HSPA1A: variants seen among roughly 807,000 people sequenced by gnomAD.
The protein encoded by HSPA1A is heat shock protein family A (Hsp70) member 1A.
In HSPA1A, 5 loss-of-function variants were observed where a neutral mutation model predicts 8.8. The observed-to-expected ratio is 0.57, with a 90% CI of 0.30 to 1.19. HSPA1A has a LOEUF of 1.19. Among genes scored for constraint, HSPA1A ranks in the 50% most tolerant of loss-of-function variants. The probability of loss-of-function intolerance (pLI) is 0.08; values close to 1 mark genes in which losing one functional copy is unlikely to be tolerated. For missense variants in HSPA1A, 207 were observed against 430.7 expected, an observed-to-expected ratio of 0.48 and a Z score of 4.60; for synonymous variants, 112 against 188.4, an observed-to-expected ratio of 0.59 and a Z score of 3.32.
chr6:31,815,740 G>A lies in HSPA1A; in HGVS notation c.-17G>A. On this transcript the variant is annotated 5_prime_UTR_variant, in exon 1 of 1. Transcript: ENST00000375651. Reference sequence around the variant, plus strand: ...CCCCAATCTCAGAGCGGAGCCGACAGAGAGCAGGGAACCGGCATGGCCAAA... The same window carrying A: ...CCCCAATCTCAGAGCGGAGCCGACAAAGAGCAGGGAACCGGCATGGCCAAA... 6.2e-7 allele frequency: 1 copy of A among 1,613,946 alleles called. No homozygotes were observed. Among genetic ancestry groups the A allele is most frequent in the South Asian group, 1.1e-5 (1 of 91,076 alleles).
At position 31,815,639 on chromosome 6, in the gene HSPA1A, C is replaced by T. The variant is rs1562349393; in HGVS notation, c.-118C>T. 6.8e-6 allele frequency: 11 copies of T among 1,610,314 alleles called. No individual in the cohort carries two copies. In the South Asian group the frequency reaches 1.2e-4, roughly 18 times the overall value. The stretch of plus-strand genomic sequence containing the variant: ...TTCCCAGAGCGAACCTGTGCGGCTG[C>T]AGGCACCGGCGCGTCGAGTTTCCGG... On this transcript the variant is annotated 5_prime_UTR_variant, in exon 1 of 1. Coordinates refer to ENST00000375651, the MANE Select transcript of HSPA1A (RefSeq NM_005345.6).
rs755567698 is a variant in HSPA1A at position 31,815,717 on chromosome 6, C to G, written c.-40C>G. The G allele has an allele frequency of 3.7e-6, 6 of 1,613,846 alleles. No homozygotes were observed. The highest frequency in any genetic ancestry group is 4.2e-6 in the Non-Finnish European group (5 of 1,180,012). ...GGATCCAGTGTTCCGTTTCCAGCCC[C>G]CAATCTCAGAGCGGAGCCGACAGAG... On this transcript the variant is annotated 5_prime_UTR_variant, in exon 1 of 1. Transcript: ENST00000375651.
In HSPA1A at chr6:31,816,088, C is replaced by G. The variant is rs1236730785; in HGVS notation, c.332C>G (p.Thr111Ser). The G allele has an allele frequency of 3.3e-6, 2 of 599,012 alleles. No individual in the cohort carries two copies. The highest frequency in any genetic ancestry group is 3.9e-5 in the South Asian group (2 of 51,914). The allele number at this position is 599,012 out of a possible 1,614,324, so 37.1% of individuals were successfully genotyped here. A position where few individuals can be genotyped will look rare whatever the true frequency, so the allele number is the denominator to read the frequency against. ...PKVQVSYKGE[T>S]KAFYPEEISS... ...GTGCAGGTGAGCTACAAGGGGGAGA[C>G]CAAGGCATTCTACCCCGAGGAGATC... Residue 111 changes from threonine to serine, a missense_variant, in exon 1 of 1, where the codon ACC becomes AGC. Thr to Ser is a moderately conservative substitution (Grantham distance 58, BLOSUM62 1). Transcript: ENST00000375651.
Position 31,815,581 on chromosome 6 carries a change from C to CT in HSPA1A, c.-171dup. 1 of 1,483,044 alleles carries CT rather than the reference C, an allele frequency of 6.7e-7. No homozygotes were observed. Among genetic ancestry groups the CT allele is most frequent in the Admixed American group, 1.9e-5 (1 of 52,252 alleles). 91.9% of individuals were successfully genotyped at this position (1,483,044 alleles called of 1,614,324 possible). A position where few individuals can be genotyped will look rare whatever the true frequency, so the allele number is the denominator to read the frequency against. ...AGGAGCTGCTGCGACAGTCCACTAC[C>CT]TTTTTCGAGAGTGACTCCCGTTGTC... On this transcript the variant is annotated 5_prime_UTR_variant, in exon 1 of 1. Coordinates refer to ENST00000375651, the MANE Select transcript of HSPA1A (RefSeq NM_005345.6).
chr6:31,815,979 G>C lies in HSPA1A; in HGVS notation c.223G>C (p.Gly75Arg). ...NTVFDAKRLI[G>R]RKFGDPVVQS... Reference sequence around the variant, plus strand: ...CGTGTTTGACGCGAAGCGGCTGATTGGCCGCAAGTTCGGCGACCCGGTGGT... The same window carrying C: ...CGTGTTTGACGCGAAGCGGCTGATTCGCCGCAAGTTCGGCGACCCGGTGGT... The change falls in exon 1 of 1, where the codon GGC becomes CGC. Residue 75 changes from glycine to arginine, a missense_variant. Coordinates refer to ENST00000375651, the MANE Select transcript of HSPA1A (RefSeq NM_005345.6). 2 of 1,432,172 alleles carry C rather than the reference G, an allele frequency of 1.4e-6. No homozygotes were observed. The highest frequency in any genetic ancestry group is 2.6e-5 in the South Asian group (2 of 77,368). 88.7% of individuals were successfully genotyped at this position (1,432,172 alleles called of 1,614,324 possible). A position where few individuals can be genotyped will look rare whatever the true frequency, so the allele number is the denominator to read the frequency against.
At position 31,816,034 on chromosome 6, in the gene HSPA1A, A is replaced by G; in HGVS notation, c.278A>G (p.Gln93Arg). The G allele has an allele frequency of 9.7e-7, 1 of 1,032,244 alleles. No individual in the cohort carries two copies. Among genetic ancestry groups the G allele is most frequent in the Non-Finnish European group, 1.3e-6 (1 of 743,618 alleles). 63.9% of individuals were successfully genotyped at this position (1,032,244 alleles called of 1,614,324 possible). The change falls in exon 1 of 1, where the codon CAG becomes CGG. Residue 93 changes from glutamine (Q) to arginine (R), a missense_variant. Gln to Arg is a conservative substitution (Grantham distance 43). Coordinates refer to ENST00000375651, the MANE Select transcript of HSPA1A (RefSeq NM_005345.6). ...TCGGACATGAAGCACTGGCCTTTCC[A>G]GGTGATCAACGACGGAGACAAGCCC... ...VQSDMKHWPF[Q>R]VINDGDKPKV...
Position 31,817,664 on chromosome 6 carries a change from C to T in HSPA1A, c.1908C>T (p.Thr636=), listed in dbSNP as rs1339364256. The T allele has an allele frequency of 6.2e-7, 1 of 1,612,382 alleles. No homozygotes were observed. The highest frequency in any genetic ancestry group is 1.1e-5 in the South Asian group (1 of 91,052). Residue 636 remains threonine, a synonymous_variant, in exon 1 of 1, where the codon ACC becomes ACT. Coordinates refer to ENST00000375651, the MANE Select transcript of HSPA1A (RefSeq NM_005345.6). The part of the protein sequence containing the change: ...GPKGGSGSGP[T]IEEVD ...AGGGAGGGTCTGGGTCAGGCCCCAC[C>T]ATTGAGGAGGTAGATTAGGGGCCTT...
In HSPA1A at chr6:31,815,575, C is replaced by T. The variant is rs771768145; in HGVS notation, c.-182C>T. 25 of 1,429,434 alleles carry T rather than the reference C, an allele frequency of 1.7e-5. No individual in the cohort carries two copies. Among genetic ancestry groups the T allele is most frequent in the Non-Finnish European group, 2.3e-5 (24 of 1,040,554 alleles). 88.5% of individuals were successfully genotyped at this position (1,429,434 alleles called of 1,614,324 possible). A position where few individuals can be genotyped will look rare whatever the true frequency, so the allele number is the denominator to read the frequency against. On this transcript the variant is annotated 5_prime_UTR_variant, in exon 1 of 1. Transcript: ENST00000375651. ...AGCCTGAGGAGCTGCTGCGACAGTC[C>T]ACTACCTTTTTCGAGAGTGACTCCC...
chr6:31,817,842 A>G lies in HSPA1A; in HGVS notation c.*160A>G. 6.9e-7 allele frequency: 1 copy of G among 1,447,792 alleles called. No homozygotes were observed. Among genetic ancestry groups the G allele is most frequent in the Non-Finnish European group, 9.1e-7 (1 of 1,099,738 alleles). The allele number at this position is 1,447,792 out of a possible 1,614,324, so 89.7% of individuals were successfully genotyped here. A position where few individuals can be genotyped will look rare whatever the true frequency, so the allele number is the denominator to read the frequency against. ...TTCCGGTTTCTACATGCAGAGATGA[A>G]TTTATACTGCCATCTTACGACTATT... On this transcript the variant is annotated 3_prime_UTR_variant, in exon 1 of 1. Coordinates refer to ENST00000375651, the MANE Select transcript of HSPA1A (RefSeq NM_005345.6).
Position 31,817,369 on chromosome 6 carries a change from C to A in HSPA1A, c.1613C>A (p.Ala538Asp). Residue 538 changes from alanine (A) to aspartate (D), a missense_variant, in exon 1 of 1, where the codon GCC (alanine) becomes GAC (aspartate). By Grantham distance (126) the Ala-to-Asp change is moderately radical. Transcript: ENST00000375651. ...EDEVQRERVS[A>D]KNALESYAFN... ...GAGGTGCAGCGCGAGAGGGTGTCAG[C>A]CAAGAACGCCCTGGAGTCCTACGCC... 6.2e-7 allele frequency: 1 copy of A among 1,602,944 alleles called. No individual in the cohort carries two copies. The highest frequency in any genetic ancestry group is 8.5e-7 in the Non-Finnish European group (1 of 1,176,660).
At position 31,816,287 on chromosome 6, in the gene HSPA1A, G is replaced by A; in HGVS notation, c.531G>A (p.Thr177=). ...TGCTGCGGATCATCAACGAGCCCAC[G>A]GCCGCCGCCATCGCCTACGGCCTGG... ...LNVLRIINEP[T]AAAIAYGLDR... Residue 177 remains threonine (T), a synonymous_variant, in exon 1 of 1, where the codon ACG becomes ACA. Transcript: ENST00000375651. 4 of 270,040 alleles carry A rather than the reference G, an allele frequency of 1.5e-5. No individual in the cohort carries two copies. Among genetic ancestry groups the A allele is most frequent in the South Asian group, 7.4e-5 (3 of 40,442 alleles). 16.7% of individuals were successfully genotyped at this position (270,040 alleles called of 1,614,324 possible). A position where few individuals can be genotyped will look rare whatever the true frequency, so the allele number is the denominator to read the frequency against.
Position 31,815,746 on chromosome 6 carries a change from A to G in HSPA1A, c.-11A>G, listed in dbSNP as rs376057829. The G allele has an allele frequency of 3.3e-5, 54 of 1,613,848 alleles. No individual in the cohort carries two copies. Among genetic ancestry groups the G allele is most frequent in the East Asian group, 1.6e-4 (7 of 44,888 alleles). Reference sequence around the variant, plus strand: ...TCTCAGAGCGGAGCCGACAGAGAGCAGGGAACCGGCATGGCCAAAGCCGCG... The same window carrying G: ...TCTCAGAGCGGAGCCGACAGAGAGCGGGGAACCGGCATGGCCAAAGCCGCG... On this transcript the variant is annotated 5_prime_UTR_variant, in exon 1 of 1. Coordinates refer to ENST00000375651, the MANE Select transcript of HSPA1A (RefSeq NM_005345.6).
At position 31,815,737 on chromosome 6, in the gene HSPA1A, A is replaced by C; in HGVS notation, c.-20A>C. ...AGCCCCCAATCTCAGAGCGGAGCCGACAGAGAGCAGGGAACCGGCATGGCC... is the reference window on the plus strand; with the variant it reads ...AGCCCCCAATCTCAGAGCGGAGCCGCCAGAGAGCAGGGAACCGGCATGGCC... On this transcript the variant is annotated 5_prime_UTR_variant, in exon 1 of 1. Coordinates refer to ENST00000375651, the MANE Select transcript of HSPA1A (RefSeq NM_005345.6). 1 of 1,613,742 alleles carries C rather than the reference A, an allele frequency of 6.2e-7. No individual in the cohort carries two copies. The highest frequency in any genetic ancestry group is 8.5e-7 in the Non-Finnish European group (1 of 1,179,974).
At position 31,815,544 on chromosome 6, in the gene HSPA1A, A is replaced by G. The variant is rs1463232312; in HGVS notation, c.-213A>G. ...AGCCCAGGGGCAAGCGGTCCGGATA[A>G]CGGCTAGCCTGAGGAGCTGCTGCGA... On this transcript the variant is annotated 5_prime_UTR_variant, in exon 1 of 1. Coordinates refer to ENST00000375651, the MANE Select transcript of HSPA1A (RefSeq NM_005345.6). 3 of 1,220,080 alleles carry G rather than the reference A, an allele frequency of 2.5e-6. No individual in the cohort carries two copies. The highest frequency in any genetic ancestry group is 1.3e-5 in the South Asian group (1 of 74,360). 75.6% of individuals were successfully genotyped at this position (1,220,080 alleles called of 1,614,324 possible).
chr6:31,816,047 C>T lies in HSPA1A; in HGVS notation c.291C>T (p.Asp97=), dbSNP rs769403730. 2.5e-4 allele frequency: 227 copies of T among 904,708 alleles called. No homozygotes were observed. The highest frequency in any genetic ancestry group is 1.3e-3 in the South Asian group (81 of 60,514). 56.0% of individuals were successfully genotyped at this position (904,708 alleles called of 1,614,324 possible). A position where few individuals can be genotyped will look rare whatever the true frequency, so the allele number is the denominator to read the frequency against. Residue 97 remains aspartate, a synonymous_variant, in exon 1 of 1, where the codon GAC becomes GAT. Coordinates refer to ENST00000375651, the MANE Select transcript of HSPA1A (RefSeq NM_005345.6). ...ACTGGCCTTTCCAGGTGATCAACGA[C>T]GGAGACAAGCCCAAGGTGCAGGTGA... is the stretch of plus-strand genomic sequence containing the variant. The part of the protein sequence containing the change: ...MKHWPFQVIN[D]GDKPKVQVSY...
chr6:31,815,989 T>C lies in HSPA1A; in HGVS notation c.233T>C (p.Phe78Ser). Residue 78 changes from phenylalanine to serine, a missense_variant, in exon 1 of 1, where the codon TTC becomes TCC. Phe to Ser is a radical substitution (Grantham distance 155, BLOSUM62 -2). Coordinates refer to ENST00000375651, the MANE Select transcript of HSPA1A (RefSeq NM_005345.6). The part of the protein sequence containing the change: ...FDAKRLIGRK[F>S]GDPVVQSDMK... ...GCGAAGCGGCTGATTGGCCGCAAGT[T>C]CGGCGACCCGGTGGTGCAGTCGGAC... is the stretch of plus-strand genomic sequence containing the variant. The C allele has an allele frequency of 7.2e-7, 1 of 1,390,280 alleles. No homozygotes were observed. Among genetic ancestry groups the C allele is most frequent in the Non-Finnish European group, 9.6e-7 (1 of 1,041,064 alleles). 86.1% of individuals were successfully genotyped at this position (1,390,280 alleles called of 1,614,324 possible).
In HSPA1A at chr6:31,815,641, G is replaced by A. The variant is rs1346981847; in HGVS notation, c.-116G>A. On this transcript the variant is annotated 5_prime_UTR_variant, in exon 1 of 1. Transcript: ENST00000375651. ...CCCAGAGCGAACCTGTGCGGCTGCAGGCACCGGCGCGTCGAGTTTCCGGCG... is the reference window on the plus strand; with the variant it reads ...CCCAGAGCGAACCTGTGCGGCTGCAAGCACCGGCGCGTCGAGTTTCCGGCG... The A allele has an allele frequency of 6.2e-7, 1 of 1,611,234 alleles. No individual in the cohort carries two copies. The highest frequency in any genetic ancestry group is 1.7e-5 in the Admixed American group (1 of 59,728).
chr6:31,817,607 C>T lies in HSPA1A; in HGVS notation c.1851C>T (p.Pro617=), dbSNP rs1398413747. 1.9e-6 allele frequency: 3 copies of T among 1,612,700 alleles called. No homozygotes were observed. The highest frequency in any genetic ancestry group is 1.7e-4 in the Middle Eastern group (1 of 6,034). Residue 617 remains proline, a synonymous_variant, in exon 1 of 1, where the codon CCC becomes CCT. Coordinates refer to ENST00000375651, the MANE Select transcript of HSPA1A (RefSeq NM_005345.6). ...GACTGTACCAGGGTGCCGGTGGTCC[C>T]GGGCCTGGGGGCTTCGGGGCTCAGG... ...ISGLYQGAGG[P]GPGGFGAQGP...
chr6:31,815,744 G>C lies in HSPA1A; in HGVS notation c.-13G>C, dbSNP rs1815905137. 6.2e-7 allele frequency: 1 copy of C among 1,613,832 alleles called. No individual in the cohort carries two copies. Among genetic ancestry groups the C allele is most frequent in the Admixed American group, 1.7e-5 (1 of 60,008 alleles). The stretch of plus-strand genomic sequence containing the variant: ...AATCTCAGAGCGGAGCCGACAGAGA[G>C]CAGGGAACCGGCATGGCCAAAGCCG... On this transcript the variant is annotated 5_prime_UTR_variant, in exon 1 of 1. Coordinates refer to ENST00000375651, the MANE Select transcript of HSPA1A (RefSeq NM_005345.6).
Sources: allele counts gnomAD v4.1 joint callset, GRCh38; gene constraint gnomAD v4.1.1; transcripts MANE v1.5; gene names NCBI Gene and HGNC (gene_info 2026-07-23, HGNC 2026-07-21).